RAPGEF5: variants seen among roughly 807,000 people sequenced by gnomAD.
RAPGEF5 encodes Rap guanine nucleotide exchange factor 5, also known as M-Ras-regulated GEF.
Under a neutral mutation model 125.2 loss-of-function variants are expected in RAPGEF5, and 65 were observed. That is an observed-to-expected ratio of 0.52 (90% CI 0.43 to 0.64). RAPGEF5 has a LOEUF of 0.64. RAPGEF5 is among the 30% of genes least tolerant of loss of function. RAPGEF5 has a pLI of 0.00. For synonymous variants in RAPGEF5, 391 were observed against 385.9 expected, an observed-to-expected ratio of 1.01 and a Z score of -0.16; for missense variants, 958 against 1,048.1, an observed-to-expected ratio of 0.91 and a Z score of 1.19.
chr7:22,186,367 T>C (rs941963171), intron 11 of RAPGEF5, among the ~76,000 whole-genome samples: 2 of 152,240 alleles, frequency 1.3e-5, no homozygotes, highest in African/African-American at 4.8e-5. Flanking sequence ...TCGTTGCATT[T>C]GACCAGAAGT....
At chr7:22,253,566 G>A (rs891614710) in intron 7 of RAPGEF5, among the ~76,000 whole-genome samples, 1 of 152,086 alleles carries the variant, frequency 6.6e-6, no homozygotes, top group African/African-American at 2.4e-5. Flanking sequence ...CTCTTATAAC[G>A]TAGCATTTTT....
Position 22,196,221 on chromosome 7 carries a change from G to A in RAPGEF5, c.997-2188C>T, listed in dbSNP as rs144153267. On this transcript the variant is annotated intron_variant, in intron 9 of 25. Coordinates refer to ENST00000665637, the MANE Select transcript of RAPGEF5 (RefSeq NM_012294.5). Reference sequence around the variant, plus strand: ...TGCCATAAAAATGTAATAATCCTACGAATTACATCTGGCTCTCAAGAAGGA... The same window carrying A: ...TGCCATAAAAATGTAATAATCCTACAAATTACATCTGGCTCTCAAGAAGGA... 1.1e-3 allele frequency among the ~76,000 whole-genome samples: 160 copies of A among 152,228 alleles called. 1 individual carries two copies. In the South Asian group the frequency reaches 0.011, roughly 11 times the overall value.
chr7:22,209,120 A>C (rs1785456023), intron 9 of RAPGEF5, among the ~76,000 whole-genome samples: 1 of 152,218 alleles, frequency 6.6e-6, no homozygotes, highest in African/African-American at 2.4e-5. Flanking sequence ...ATTGAGATAA[A>C]GGTCAGAGGT....
chr7:22,242,818 G>A (rs1786368115), intron 7 of RAPGEF5, among the ~76,000 whole-genome samples: 1 of 151,942 alleles, frequency 6.6e-6, no homozygotes, highest in South Asian at 2.1e-4. Context: ...GGGCATGGTT[G>A]CTATTTGGGA....
chr7:22,353,307 C>A (rs1784362822), intron 1 of RAPGEF5, among the ~76,000 whole-genome samples: 1 of 152,170 alleles, frequency 6.6e-6, no homozygotes, highest in South Asian at 2.1e-4. Flanking sequence ...TCATTTAGCT[C>A]CTGTTTCCAA....
intron 9 of RAPGEF5, among the ~76,000 whole-genome samples, chr7:22,204,411 T>C (rs1290957184): frequency 2.0e-5 from 3 of 152,190 alleles, no homozygotes; most frequent in Non-Finnish European, 4.4e-5. Flanking sequence ...TTCCTGTGCG[T>C]GTGTGTCAAT....
chr7:22,307,638 A>G (rs573954737), intron 5 of RAPGEF5, among the ~76,000 whole-genome samples: 36 of 152,262 alleles, frequency 2.4e-4, no homozygotes, highest in Non-Finnish European at 4.3e-4. Flanking sequence ...TTTCTTATCT[A>G]TGACATAAAG....
intron 7 of RAPGEF5, among the ~76,000 whole-genome samples, chr7:22,255,360 G>A (rs567028996): frequency 4.6e-5 from 7 of 152,172 alleles, no homozygotes; most frequent in South Asian, 2.1e-4. Flanking sequence ...AGGTCAAGGC[G>A]GGAGGACTGC....
At chr7:22,159,011 T>C (rs1267010037) in intron 14 of RAPGEF5, among the ~76,000 whole-genome samples, 2 of 152,240 alleles carry the variant, frequency 1.3e-5, no homozygotes, top group Non-Finnish European at 2.9e-5. Flanking sequence ...ATGGAATGTA[T>C]TAAATTTCCA....
rs193090620 is a variant in RAPGEF5, at chr7:22,286,818, T to C, written c.747+4357A>G. 2.9e-3 allele frequency among the ~76,000 whole-genome samples: 441 copies of C among 152,318 alleles called. 3 individuals carry two copies. Among genetic ancestry groups the C allele is most frequent in the African/African-American group, 9.7e-3 (402 of 41,566 alleles). Reference sequence around the variant, plus strand: ...TGTCTGATCAATTCTGAATACTCTATTTGTCACAAACACTGGAAGAATTCA... The same window carrying C: ...TGTCTGATCAATTCTGAATACTCTACTTGTCACAAACACTGGAAGAATTCA... On this transcript the variant is annotated intron_variant, in intron 6 of 25. Transcript: ENST00000665637.
intron 11 of RAPGEF5, among the ~76,000 whole-genome samples, chr7:22,186,452 T>C (rs900577141): frequency 2.3e-4 from 35 of 152,338 alleles, no homozygotes; most frequent in African/African-American, 8.2e-4. Flanking sequence ...GACATGGATA[T>C]AGTTATCCCA....
At chr7:22,220,392 G>C (rs952956666) in intron 8 of RAPGEF5, among the ~76,000 whole-genome samples, 1 of 152,096 alleles carries the variant, frequency 6.6e-6, no homozygotes, top group African/African-American at 2.4e-5. Flanking sequence ...AACTGATACA[G>C]AGCCCTAAAA....
At chr7:22,198,909 A>C (rs111508669) in intron 9 of RAPGEF5, among the ~76,000 whole-genome samples, 1,561 of 152,342 alleles carry the variant, frequency 0.01, 32 homozygotes, top group African/African-American at 0.035. Context: ...GCTGAGATTG[A>C]ACCCAGACAG....
intron 9 of RAPGEF5, among the ~76,000 whole-genome samples, chr7:22,206,378 A>T (rs763680753): frequency 6.6e-5 from 10 of 152,226 alleles, no homozygotes; most frequent in Non-Finnish European, 1.2e-4. Flanking sequence ...GAAATCTTAC[A>T]TTACAAAAAT....
In RAPGEF5 at chr7:22,350,223, A is replaced by G. The variant is rs1202726013; in HGVS notation, c.231+6607T>C. Among the ~76,000 whole-genome samples the G allele has an allele frequency of 2.0e-5, 3 of 152,182 alleles. No individual in the cohort carries two copies. The East Asian group carries it at 5.8e-4, about 29-fold the overall frequency. On this transcript the variant is annotated intron_variant, in intron 1 of 25. Coordinates refer to ENST00000665637, the MANE Select transcript of RAPGEF5 (RefSeq NM_012294.5). ...ATTTCCTACCTTTCCATCTATTGCT[A>G]GCTACACAAGTTGCCAATTACTGCC...
At chr7:22,221,559 G>C (rs1035081712) in intron 8 of RAPGEF5, among the ~76,000 whole-genome samples, 2 of 152,168 alleles carry the variant, frequency 1.3e-5, no homozygotes, top group African/African-American at 2.4e-5. Context: ...GGAGGAACCA[G>C]GTAGAGGTAA....
chr7:22,135,198 G>T (rs1263659500), intron 23 of RAPGEF5, among the ~76,000 whole-genome samples: 1 of 152,228 alleles, frequency 6.6e-6, no homozygotes, highest in Non-Finnish European at 1.5e-5. Flanking sequence ...TCCAGCCACT[G>T]GGGCCTGGCT....
chr7:22,154,968 C>T (rs763940401), intron 16 of RAPGEF5, among the ~76,000 whole-genome samples: 3 of 152,146 alleles, frequency 2.0e-5, no homozygotes, highest in Non-Finnish European at 4.4e-5. Flanking sequence ...ATTTTTAAAT[C>T]CCTTCTTTGA....
intron 12 of RAPGEF5, among the ~76,000 whole-genome samples, chr7:22,166,656 T>C (rs755732443): frequency 6.6e-6 from 1 of 152,194 alleles, no homozygotes; most frequent in Non-Finnish European, 1.5e-5. Context: ...CCAGGAACAT[T>C]ATATCACATA....
Sources: gnomAD v4.1 joint callset for allele counts (sites outside exome capture counted in the v4.1 genomes callset) on GRCh38, gnomAD v4.1.1 for gene constraint, MANE v1.5 for transcripts, NCBI Gene and HGNC (gene_info 2026-07-23, HGNC 2026-07-21) for gene names.